XPO5: variants seen among roughly 807,000 people sequenced by gnomAD.
The protein encoded by XPO5 is exportin 5.
A neutral mutation model predicts 160.6 loss-of-function variants in XPO5; 46 were observed. The ratio of observed to expected loss-of-function variants is 0.29; its 90% confidence interval spans 0.23 to 0.37. The LOEUF (loss-of-function observed/expected upper bound fraction) is 0.37. Among genes scored for constraint, XPO5 ranks in the 10% least tolerant of loss-of-function variants. The pLI is 1.00. For synonymous variants in XPO5, 537 were observed against 519.3 expected (o/e 1.03, Z -0.46); for missense variants, 1,090 against 1,463.9 (o/e 0.74, Z 4.17).
In XPO5 at chr6:43,575,755, G is replaced by A. The variant is rs1433070328; in HGVS notation, c.105+5C>T. On this transcript the variant is annotated splice_donor_5th_base_variant and intron_variant, in intron 1 of 31. Transcript: ENST00000265351. The stretch of plus-strand genomic sequence containing the variant: ...ACCGGCCCAGGACGCCAGGACCCCA[G>A]CTACCTTGAGGGCTTCCAGCCGGTA... 1.2e-6 allele frequency: 2 copies of A among 1,611,424 alleles called. No individual in the cohort carries two copies. Among genetic ancestry groups the A allele is most frequent in the Admixed American group, 1.7e-5 (1 of 59,926 alleles).
At position 43,549,944 on chromosome 6, in the gene XPO5, A is replaced by G. The variant is rs1195933524; in HGVS notation, c.1729-10T>C. 4 of 1,611,646 alleles carry G rather than the reference A, an allele frequency of 2.5e-6. No homozygotes were observed. The highest frequency in any genetic ancestry group is 2.2e-5 in the East Asian group (1 of 44,876). On this transcript the variant is annotated splice_polypyrimidine_tract_variant and intron_variant, in intron 15 of 31. Coordinates refer to ENST00000265351, the MANE Select transcript of XPO5 (RefSeq NM_020750.3). Reference sequence around the variant, plus strand: ...TGACAGATGAAAATAGCTAAGGGAGAGGAGGAAAAAAGGTCACTCATGTTT... The same window carrying G: ...TGACAGATGAAAATAGCTAAGGGAGGGGAGGAAAAAAGGTCACTCATGTTT...
At chr6:43,544,129 CA>C (rs1794849597) in intron 20 of XPO5, 1 of 152,920 alleles carries the variant, frequency 6.5e-6, no homozygotes, top group South Asian at 2.0e-4. Context: ...AGAAAAGTAT[CA>C]AAATGATAAC....
chr6:43,527,609 G>T (rs746706657), intron 26 of XPO5, 25 bp downstream of exon 26: 2 of 1,611,250 alleles, frequency 1.2e-6, no homozygotes, highest in Non-Finnish European at 1.7e-6. Flanking sequence ...ATCCTCTATA[G>T]CCCCAGTTTC....
At position 43,567,353 on chromosome 6, in the gene XPO5, G is replaced by A. The variant is rs753088331; in HGVS notation, c.650C>T (p.Ala217Val). The A allele has an allele frequency of 3.3e-5, 53 of 1,598,882 alleles. No individual in the cohort carries two copies. The highest frequency in any genetic ancestry group is 2.3e-4 in the Admixed American group (13 of 56,830). Reference sequence around the variant, plus strand: ...AACTCCTACTCGACAGTTTGCTTGCGCCTACCAGAAAAGAAGTAACTTTGG... The same window carrying A: ...AACTCCTACTCGACAGTTTGCTTGCACCTACCAGAAAAGAAGTAACTTTGG... ...VKTDTSQESKAQANCRVGVAA... is the reference protein window; with the variant it reads ...VKTDTSQESKVQANCRVGVAA... The change falls in exon 7 of 32, where the codon GCG becomes GTG. Residue 217 changes from alanine (A) to valine (V), a missense_variant and splice_region_variant. Around this residue, in one of 3 missense-constraint regions of XPO5, gnomAD observed 110 missense variants for 97.9 expected, o/e 1.12. Coordinates refer to ENST00000265351, the MANE Select transcript of XPO5 (RefSeq NM_020750.3).
intron 19 of XPO5, chr6:43,547,222 T>C (rs1375786346): frequency 1.1e-5 from 4 of 367,038 alleles, no homozygotes; most frequent in African/African-American, 4.2e-5. Context: ...ACAATGCTTA[T>C]TTAAATAGCA....
At chr6:43,536,017 G>A (rs992569731) in intron 20 of XPO5, among the ~76,000 whole-genome samples, 43 of 143,244 alleles carry the variant, frequency 3.0e-4, no homozygotes, top group East Asian at 1.7e-3. Context: ...CAGCTTCTCC[G>A]GAGGCTGAGG....
At chr6:43,536,516 T>C (rs1794333721) in intron 20 of XPO5, among the ~76,000 whole-genome samples, 1 of 151,462 alleles carries the variant, frequency 6.6e-6, no homozygotes, top group Non-Finnish European at 1.5e-5. Flanking sequence ...CCCAGCACTT[T>C]AGGAAGCCGA....
intron 3 of XPO5, among the ~76,000 whole-genome samples, chr6:43,571,659 T>G (rs1210099334): frequency 6.6e-6 from 1 of 152,112 alleles, no homozygotes; most frequent in Non-Finnish European, 1.5e-5. Context: ...AAAAACAAAA[T>G]TAGCTGGGCA....
intron 20 of XPO5, among the ~76,000 whole-genome samples, chr6:43,538,082 CAAAAAAAAA>C (rs1217531011): frequency 2.8e-5 from 1 of 36,130 alleles, no homozygotes; most frequent in African/African-American, 8.1e-5. Flanking sequence ...AAGATGGTCT[CAAAAAAAAA>C]AAAAAAAAAA....
At chr6:43,537,057 C>T (rs1794380382) in intron 20 of XPO5, among the ~76,000 whole-genome samples, 1 of 152,084 alleles carries the variant, frequency 6.6e-6, no homozygotes, top group African/African-American at 2.4e-5. Context: ...GCCTCAAACT[C>T]CTGGGCTCAA....
chr6:43,553,637 G>A (rs188654301), intron 13 of XPO5, 134 bp from the exon 14 acceptor site: 242 of 1,423,838 alleles, frequency 1.7e-4, no homozygotes, highest in Non-Finnish European at 2.1e-4. Flanking sequence ...AAGGAGCAGG[G>A]TAATCTAACC....
At chr6:43,562,534 T>C (rs1329615503) in intron 8 of XPO5, 188 bp from the exon 9 acceptor site, 1 of 553,796 alleles carries the variant, frequency 1.8e-6, no homozygotes, top group African/African-American at 1.9e-5. Flanking sequence ...TGACCTAAAA[T>C]GATATAGGAC....
chr6:43,529,664 G>C lies in XPO5; in HGVS notation c.2678-739C>G, dbSNP rs1793837288. ...TGGCTGGGTGTGGTGGCTCAGGCCTGTAATTCTAGCACTTTGGAGGCTGAG... is the reference window on the plus strand; with the variant it reads ...TGGCTGGGTGTGGTGGCTCAGGCCTCTAATTCTAGCACTTTGGAGGCTGAG... On this transcript the variant is annotated intron_variant, in intron 23 of 31. Transcript: ENST00000265351. 1.8e-5 allele frequency: 3 copies of C among 163,572 alleles called. No individual in the cohort carries two copies. In the South Asian group the frequency reaches 4.7e-4, roughly 26 times the overall value. The allele number at this position is 163,572 out of a possible 1,614,324, so 10.1% of individuals were successfully genotyped here. A position where few individuals can be genotyped will look rare whatever the true frequency, so the allele number is the denominator to read the frequency against.
intron 20 of XPO5, among the ~76,000 whole-genome samples, chr6:43,536,848 G>A (rs1794363085): frequency 6.6e-6 from 1 of 150,720 alleles, no homozygotes; most frequent in Non-Finnish European, 1.5e-5. Flanking sequence ...TGTGGTGGCT[G>A]GTAGGAATCT....
intron 24 of XPO5, 83 bp downstream of exon 24, chr6:43,528,745 A>C: frequency 7.7e-7 from 1 of 1,306,778 alleles, no homozygotes; most frequent in Non-Finnish European, 1.1e-6. Flanking sequence ...CAACACTTCT[A>C]GGAGCTCCTG....
intron 25 of XPO5, 21 bp from the exon 26 acceptor site, chr6:43,527,752 A>G (rs1793690303): frequency 6.2e-7 from 1 of 1,613,498 alleles, no homozygotes; most frequent in Admixed American, 1.7e-5. Flanking sequence ...CCAGGGGGCC[A>G]AGTTCCACAG....
chr6:43,551,346 A>G lies in XPO5; in HGVS notation c.1680T>C (p.Phe560=), dbSNP rs1413157137. 20 of 1,613,922 alleles carry G rather than the reference A, an allele frequency of 1.2e-5. No individual in the cohort carries two copies. Among genetic ancestry groups the G allele is most frequent in the Admixed American group, 1.7e-5 (1 of 60,030 alleles). ...SCVLTNVSAL[F]PFVTYRPEFL... is the part of the protein sequence containing the mutation. ...ACTCTGGTCTGTAGGTGACAAATGG[A>G]AAGAGTGCAGAGACATTAGTAAGGA... Residue 560 remains phenylalanine (F), a synonymous_variant, in exon 15 of 32, where the codon TTT becomes TTC. Coordinates refer to ENST00000265351, the MANE Select transcript of XPO5 (RefSeq NM_020750.3).
intron 5 of XPO5, 52 bp from the exon 6 acceptor site, chr6:43,568,789 A>G (rs1762837672): frequency 4.1e-6 from 6 of 1,471,602 alleles, no homozygotes; most frequent in East Asian, 2.4e-5. Flanking sequence ...AGGCCACATA[A>G]TAACTTTCTA....
At chr6:43,553,660 G>A (rs992498218) in intron 13 of XPO5, 157 bp from the exon 14 acceptor site, 11 of 1,386,286 alleles carry the variant, frequency 7.9e-6, no homozygotes, top group Non-Finnish European at 1.0e-5. Flanking sequence ...TCTCAGCTGG[G>A]GCAAAGAAAA....
Sources: gnomAD v4.1 joint callset for allele counts (sites outside exome capture counted in the v4.1 genomes callset) on GRCh38, gnomAD v4.1.1 for gene constraint, gnomAD v4.1.1 regional missense constraint, MANE v1.5 for transcripts, NCBI Gene and HGNC (gene_info 2026-07-23, HGNC 2026-07-21) for gene names.